The following PMFBP1 variants were observed in gnomAD, a reference collection of about 807,000 sequenced individuals.
PMFBP1 encodes polyamine modulated factor 1 binding protein 1, also known as polyamine-modulated factor 1-binding protein 1.
PMFBP1 carries 131 observed loss-of-function variants against 137.8 expected under a neutral mutation model. The ratio of observed to expected loss-of-function variants is 0.95; its 90% CI spans 0.82 to 1.10. The LOEUF (loss-of-function observed/expected upper bound fraction) is 1.10, where lower values mean the gene tolerates loss of function less well. Ranked by LOEUF, PMFBP1 falls within the 50% of genes least tolerant of loss-of-function variation. The pLI is 0.00. For synonymous variants in PMFBP1, 490 were observed against 450.4 expected (o/e 1.09, Z -1.11); for missense variants, 1,199 against 1,175.4 (o/e 1.02, Z -0.29).
chr16:72,214,275 A>C, the PMFBP1 span, among the ~76,000 whole-genome samples: 1 of 152,062 alleles, frequency 6.6e-6, no homozygotes, highest in Admixed American at 6.5e-5. Flanking sequence ...GCTCACTGCA[A>C]CCTCTGCCTC....
chr16:72,231,528 T>G, the PMFBP1 span, among the ~76,000 whole-genome samples: 1 of 152,132 alleles, frequency 6.6e-6, no homozygotes, highest in African/African-American at 2.4e-5. Context: ...CAAACATGAC[T>G]AGCAAACAAA....
chr16:72,216,056 C>A, the PMFBP1 span, among the ~76,000 whole-genome samples: 1 of 152,184 alleles, frequency 6.6e-6, no homozygotes, highest in African/African-American at 2.4e-5. Flanking sequence ...CGGCCAATGG[C>A]CCATGGGATG....
At chr16:72,126,367 C>G (rs996513602) in intron 14 of PMFBP1, among the ~76,000 whole-genome samples, 37 of 152,336 alleles carry the variant, frequency 2.4e-4, no homozygotes, top group East Asian at 3.9e-4. Context: ...CCTCAAACAG[C>G]AGGAGTACCA....
At chr16:72,116,812 G>A (rs546422012), downstream of PMFBP1, among the ~76,000 whole-genome samples, 6 of 152,224 alleles carry the variant, frequency 3.9e-5, no homozygotes, top group East Asian at 7.7e-4. Context: ...GACCATATAT[G>A]TGAGGGTTTA....
chr16:72,221,678 A>G, the PMFBP1 span, among the ~76,000 whole-genome samples: 9,532 of 152,182 alleles, frequency 0.063, 391 homozygotes, highest in South Asian at 0.22. Context: ...AGATGTTTAA[A>G]CTCTTCTGAC....
the PMFBP1 span, among the ~76,000 whole-genome samples, chr16:72,210,864 C>A: frequency 6.6e-6 from 1 of 152,066 alleles, no homozygotes; most frequent in Non-Finnish European, 1.5e-5. Flanking sequence ...ACATTAAGTT[C>A]GTCTCATGGC....
the PMFBP1 span, among the ~76,000 whole-genome samples, chr16:72,241,561 C>A: frequency 6.6e-6 from 1 of 152,182 alleles, no homozygotes; most frequent in East Asian, 1.9e-4. Flanking sequence ...CCTTTGTTTA[C>A]CGAGGGTTTC....
At chr16:72,133,648 G>A (rs1443784034) in intron 9 of PMFBP1, among the ~76,000 whole-genome samples, 2 of 152,226 alleles carry the variant, frequency 1.3e-5, no homozygotes, top group Admixed American at 1.3e-4. Context: ...TGTGAGCAGG[G>A]CAGGAGAGGG....
upstream of PMFBP1, among the ~76,000 whole-genome samples, chr16:72,175,475 G>T (rs1170337120): frequency 6.6e-6 from 1 of 152,180 alleles, no homozygotes; most frequent in African/African-American, 2.4e-5. Context: ...CCCTCCCCAA[G>T]GAACTGGTAA....
At chr16:72,128,858 C>T (rs2042503165) in intron 13 of PMFBP1, 64 bp from the exon 14 acceptor site, 2 of 1,596,536 alleles carry the variant, frequency 1.3e-6, no homozygotes, top group Non-Finnish European at 1.7e-6. Flanking sequence ...CTATAAAAGC[C>T]CCACTCCACC....
At position 72,126,085 on chromosome 16, in the gene PMFBP1, GT is replaced by G; in HGVS notation, c.2135del (p.Asp712AlafsTer34). 1.2e-6 allele frequency: 2 copies of G among 1,614,158 alleles called. No individual in the cohort carries two copies. Among genetic ancestry groups the G allele is most frequent in the Non-Finnish European group, 1.7e-6 (2 of 1,180,018 alleles). On this transcript the variant is annotated frameshift_variant, in exon 15 of 21. Transcript: ENST00000237353. LOFTEE classifies it high-confidence loss of function. ...AGTGCTTCTCCTTCTGCAGAGCTTT[GT>G]CCAGCTGGGCCTGCAGGCTCATTAA... ...ESLMSLQAQL[D>X]KALQKEKHYL...
intron 2 of PMFBP1, among the ~76,000 whole-genome samples, chr16:72,168,046 T>C (rs1012449314): frequency 6.6e-6 from 1 of 152,266 alleles, no homozygotes; most frequent in African/African-American, 2.4e-5. Context: ...TGATCTCATC[T>C]AATTTGTACA....
the PMFBP1 span, among the ~76,000 whole-genome samples, chr16:72,239,885 C>CAAAAAAAAAAAAAAAAA: frequency 4.7e-5 from 1 of 21,382 alleles, no homozygotes. Flanking sequence ...ACTCCATGTA[C>CAAAAAAAAAAAAAAAAA]AAAAAAAAAA....
chr16:72,162,124 T>C (rs1261093541), intron 3 of PMFBP1, among the ~76,000 whole-genome samples: 1 of 151,554 alleles, frequency 6.6e-6, no homozygotes, highest in Non-Finnish European at 1.5e-5. Flanking sequence ...CTGTTGTTCT[T>C]TTCTCCTTTC....
intron 5 of PMFBP1, among the ~76,000 whole-genome samples, chr16:72,148,419 A>C (rs1033951537): frequency 2.0e-5 from 3 of 152,208 alleles, no homozygotes; most frequent in Non-Finnish European, 2.9e-5. Context: ...TACCTAATGT[A>C]AATGACAAGT....
At chr16:72,128,529 T>G in intron 14 of PMFBP1, 128 bp downstream of exon 14, 3 of 1,574,872 alleles carry the variant, frequency 1.9e-6, no homozygotes, top group Non-Finnish European at 2.6e-6. Context: ...GAGCTGTAGG[T>G]GGCCCAGGAT....
chr16:72,130,772 C>T, intron 10 of PMFBP1, 50 bp from the exon 11 acceptor site: 1 of 1,524,154 alleles, frequency 6.6e-7, no homozygotes, highest in Non-Finnish European at 8.8e-7. Flanking sequence ...GTATGAAGAT[C>T]ACACTCTTAT....
At chr16:72,125,123 T>C (rs907607960) in intron 16 of PMFBP1, 115 bp downstream of exon 16, 2 of 1,439,556 alleles carry the variant, frequency 1.4e-6, no homozygotes, top group African/African-American at 2.9e-5. Flanking sequence ...GCCAAGAAAG[T>C]GGAGGGAACC....
At chr16:72,206,598 T>C in the PMFBP1 span, among the ~76,000 whole-genome samples, 2 of 152,238 alleles carry the variant, frequency 1.3e-5, no homozygotes, top group African/African-American at 4.8e-5. Flanking sequence ...TTGCAGATGA[T>C]GGAGCTAAGG....
Sources: allele counts gnomAD v4.1 joint callset (sites outside exome capture counted in the v4.1 genomes callset), GRCh38; gene constraint gnomAD v4.1.1; transcripts MANE v1.5; gene names NCBI Gene and HGNC (gene_info 2026-07-23, HGNC 2026-07-21).